The following ZBTB7C variants were observed in gnomAD, a reference collection of about 807,000 sequenced individuals.
ZBTB7C encodes the protein zinc finger and BTB domain containing 7C, also known as zinc finger and BTB domain-containing protein 7C.
In ZBTB7C, 8 loss-of-function variants were observed where a neutral mutation model predicts 25.7. The observed-to-expected ratio is 0.31, with a 90% confidence interval of 0.18 to 0.56. The LOEUF is 0.56. ZBTB7C is among the 20% of genes least tolerant of loss of function. The pLI is 0.91. For missense variants in ZBTB7C, 824 were observed against 855.2 expected, an observed-to-expected ratio of 0.96 and a Z score of 0.46; for synonymous variants, 394 against 369.0, an observed-to-expected ratio of 1.07 and a Z score of -0.78.
intron 2 of ZBTB7C, among the ~76,000 whole-genome samples, chr18:48,239,948 C>T (rs1225418919): frequency 6.6e-6 from 1 of 151,866 alleles, no homozygotes; most frequent in African/African-American, 2.4e-5. Context: ...TGAAAACCAA[C>T]TTAAAGAAAT....
chr18:48,087,110 A>G (rs530058402), intron 3 of ZBTB7C, among the ~76,000 whole-genome samples: 2 of 152,316 alleles, frequency 1.3e-5, no homozygotes, highest in East Asian at 3.9e-4. Context: ...GGAGAGGTTG[A>G]AACTGACTTC....
chr18:48,076,076 A>G (rs2037751324), intron 3 of ZBTB7C, among the ~76,000 whole-genome samples: 1 of 152,234 alleles, frequency 6.6e-6, no homozygotes, highest in Non-Finnish European at 1.5e-5. Context: ...AAGGCCTTCT[A>G]TGAGTCGGGC....
intron 2 of ZBTB7C, among the ~76,000 whole-genome samples, chr18:48,317,015 G>A (rs534209295): frequency 6.6e-6 from 1 of 152,328 alleles, no homozygotes; most frequent in South Asian, 2.1e-4. Context: ...GCTCACGCCT[G>A]TAATCCCAAC....
intron 2 of ZBTB7C, among the ~76,000 whole-genome samples, chr18:48,297,009 CT>C (rs2144720312): frequency 1.3e-5 from 2 of 152,270 alleles, no homozygotes; most frequent in South Asian, 4.1e-4. Flanking sequence ...TAACTAATGC[CT>C]GTTGATCTGA....
rs2144151306 is a variant in ZBTB7C, at chr18:48,040,575, G to A, written c.533C>T (p.Pro178Leu). ...GTGGCAGCTGATGTCCTGGGGGTCA[G>A]GCAAGTTTTCTTGGTCAGCAAAGTC... is the stretch of plus-strand genomic sequence containing the variant. ...TEDFADQENL[P>L]DPQDISCHQS... The change falls in exon 4 of 5, where the codon CCT becomes CTT. Residue 178 changes from proline to leucine, a missense_variant. Pro to Leu is a moderately conservative substitution (Grantham distance 98). This residue lies in a region of ZBTB7C where 316 missense variants were observed against 299.2 expected (regional missense o/e 1.06). Transcript: ENST00000590800. 1 of 1,614,032 alleles carries A rather than the reference G, an allele frequency of 6.2e-7. No individual in the cohort carries two copies. The highest frequency in any genetic ancestry group is 1.1e-5 in the South Asian group (1 of 91,068).
intron 2 of ZBTB7C, among the ~76,000 whole-genome samples, chr18:48,305,983 A>T (rs1165903741): frequency 6.6e-6 from 1 of 152,244 alleles, no homozygotes; most frequent in Non-Finnish European, 1.5e-5. Context: ...AAAAGAAAAA[A>T]TACAAACAAA....
rs531893333 is a variant in ZBTB7C, at chr18:48,216,531, C to T, written c.-78-30536G>A. ...TTCTGGGTGCTCACTCCCTGGGGGG[C>T]GAAGGTGGCATACACTGACGAGTCC... On this transcript the variant is annotated intron_variant, in intron 2 of 4. Transcript: ENST00000590800. 2.3e-3 allele frequency among the ~76,000 whole-genome samples: 354 copies of T among 152,202 alleles called. 1 individual carries two copies. The highest frequency in any genetic ancestry group is 8.3e-3 in the African/African-American group (344 of 41,506).
At chr18:48,112,804 CAG>C (rs1190586967) in intron 3 of ZBTB7C, among the ~76,000 whole-genome samples, 1 of 152,198 alleles carries the variant, frequency 6.6e-6, no homozygotes, top group Admixed American at 6.5e-5. Flanking sequence ...GACTACCTAA[CAG>C]AGGATTGAGG....
At position 48,039,917 on chromosome 18, in the gene ZBTB7C, G is replaced by A. The variant is rs773936946; in HGVS notation, c.1191C>T (p.Cys397=). The A allele has an allele frequency of 5.0e-6, 8 of 1,612,930 alleles. No individual in the cohort carries two copies. Among genetic ancestry groups the A allele is most frequent in the African/African-American group, 2.7e-5 (2 of 75,044 alleles). The change falls in exon 4 of 5, where the codon TGC becomes TGT. Residue 397 remains cysteine, a synonymous_variant. Transcript: ENST00000590800. ...ATGCGCACCTGGTGAAGCGGACCTC[G>A]CAGATGGTGCACATGTATGGCTTCT... is the stretch of plus-strand genomic sequence containing the variant. ...TGEKPYMCTI[C]EVRFTRQDKL...
At chr18:48,102,985 G>A (rs914399629) in intron 3 of ZBTB7C, among the ~76,000 whole-genome samples, 5 of 150,580 alleles carry the variant, frequency 3.3e-5, no homozygotes, top group African/African-American at 1.2e-4. Flanking sequence ...AAGAAGAGAG[G>A]CAGGAAAGAC....
chr18:48,263,623 A>G (rs897845483), intron 2 of ZBTB7C, among the ~76,000 whole-genome samples: 15 of 151,312 alleles, frequency 9.9e-5, no homozygotes, highest in African/African-American at 3.6e-4. Flanking sequence ...AGGGTCAGCT[A>G]TCTCGCTCTT....
intron 3 of ZBTB7C, among the ~76,000 whole-genome samples, chr18:48,126,402 C>T (rs11082651): frequency 5.9e-5 from 9 of 151,970 alleles, no homozygotes; most frequent in East Asian, 1.9e-4. Flanking sequence ...ATGAGAGCGG[C>T]GCTCTGAGGA....
chr18:48,186,153 T>C (rs1170403344), intron 2 of ZBTB7C, among the ~76,000 whole-genome samples, 158 bp from the exon 3 acceptor site: 1 of 152,160 alleles, frequency 6.6e-6, no homozygotes, highest in Non-Finnish European at 1.5e-5. Flanking sequence ...GTTGGGTGGG[T>C]GCCCCTCGCT....
At chr18:48,279,894 G>A (rs563976966) in intron 2 of ZBTB7C, among the ~76,000 whole-genome samples, 54 of 152,334 alleles carry the variant, frequency 3.5e-4, no homozygotes, top group African/African-American at 1.3e-3. Flanking sequence ...AAATCACAAC[G>A]CAGTGGATAA....
At chr18:48,054,137 T>C (rs1397041144) in intron 3 of ZBTB7C, among the ~76,000 whole-genome samples, 2 of 151,898 alleles carry the variant, frequency 1.3e-5, no homozygotes, top group African/African-American at 4.8e-5. Flanking sequence ...TGGGCGTGGG[T>C]GGGACGGTGA....
intron 3 of ZBTB7C, among the ~76,000 whole-genome samples, chr18:48,157,501 T>A (rs934426582): frequency 6.6e-6 from 1 of 152,144 alleles, no homozygotes; most frequent in African/African-American, 2.4e-5. Flanking sequence ...AAGTGACCAC[T>A]CGACAGTTAA....
intron 3 of ZBTB7C, among the ~76,000 whole-genome samples, chr18:48,136,714 G>A (rs2040177937): frequency 6.6e-6 from 1 of 152,156 alleles, no homozygotes; most frequent in African/African-American, 2.4e-5. Context: ...TCTCTGCAGA[G>A]TTCCAGATCC....
At chr18:48,208,762 G>A (rs190208384) in intron 2 of ZBTB7C, among the ~76,000 whole-genome samples, 2 of 152,322 alleles carry the variant, frequency 1.3e-5, no homozygotes, top group Non-Finnish European at 2.9e-5. Flanking sequence ...GCAGAAGGAT[G>A]GCTGAGGTGT....
chr18:48,310,287 GTTA>G (rs2045783927), intron 2 of ZBTB7C, among the ~76,000 whole-genome samples: 1 of 151,794 alleles, frequency 6.6e-6, no homozygotes, highest in Non-Finnish European at 1.5e-5. Context: ...AATCACTGTT[GTTA>G]TTATTATTAG....
Sources: allele counts gnomAD v4.1 joint callset (sites outside exome capture counted in the v4.1 genomes callset), GRCh38; gene constraint gnomAD v4.1.1; regional missense constraint gnomAD v4.1.1; transcripts MANE v1.5; gene names NCBI Gene and HGNC (gene_info 2026-07-23, HGNC 2026-07-21).